Variants in PRX observed in about 807,000 individuals in gnomAD.
PRX encodes periaxin.
A neutral mutation model predicts 29.6 loss-of-function variants in PRX; 24 were observed. The observed-to-expected ratio is 0.81, with a 90% confidence interval of 0.59 to 1.14. The LOEUF (loss-of-function observed/expected upper bound fraction) is 1.14, where lower values mean the gene tolerates loss of function less well. Ranked by LOEUF, PRX falls within the 50% of genes most tolerant of loss-of-function variation. The probability of loss-of-function intolerance (pLI) is 0.00; values close to 1 mark genes in which losing one functional copy is unlikely to be tolerated. For synonymous variants in PRX, 772 were observed against 831.7 expected (o/e 0.93, Z 1.24); for missense variants, 1,838 against 1,926.4 (o/e 0.95, Z 0.86).
intron 5 of PRX, among the ~76,000 whole-genome samples, chr19:40,399,621 G>T (rs2079473757): frequency 6.6e-6 from 1 of 152,140 alleles, no homozygotes. Context: ...TCATATCCTT[G>T]CTTCCCTTGG....
chr19:40,395,800 G>C lies in PRX; in HGVS notation c.2552C>G (p.Ser851Cys). ...TAGCTCCACTGAAGGCAGAGTGAGA[G>C]AGGGGACACCCACATGAGCCTCACC... ...VDGEAHVGVP[S>C]LTLPSVELDL... The change falls in exon 7 of 7, where the codon TCT (serine) becomes TGT (cysteine). Residue 851 changes from serine to cysteine, a missense_variant. Around this residue, in one of 3 missense-constraint regions of PRX, gnomAD observed 1,143 missense variants for 1,193.0 expected, o/e 0.96. Transcript: ENST00000324001. The C allele has an allele frequency of 6.2e-7, 1 of 1,614,202 alleles. No individual in the cohort carries two copies. Among genetic ancestry groups the C allele is most frequent in the Non-Finnish European group, 8.5e-7 (1 of 1,180,046 alleles).
rs147585269 is a variant in PRX at position 40,398,602 on chromosome 19, C to T, written c.381+18G>A. 9.2e-5 allele frequency: 148 copies of T among 1,612,030 alleles called. 1 individual carries two copies. In the African/African-American group the frequency reaches 1.8e-3, roughly 20 times the overall value. On this transcript the variant is annotated intron_variant, in intron 6 of 6. Coordinates refer to ENST00000324001, the MANE Select transcript of PRX (RefSeq NM_181882.3). This position sits in a 1 kb window ranked among gnomAD's most constrained non-coding sequence, Gnocchi z 6.3. ...CGCTGGGGCAGTCCAGGGCCGGGGC[C>T]GGGCTAAGCACGCGTACCAGCTTGG...
intron 5 of PRX, among the ~76,000 whole-genome samples, chr19:40,402,278 C>T (rs1304357188): frequency 1.3e-5 from 2 of 151,662 alleles, no homozygotes; most frequent in Admixed American, 6.6e-5. Context: ...GGCGTGAACA[C>T]GGGAGGCGGA....
rs777019611 is a variant in PRX, at chr19:40,397,728, G to A, written c.624C>T (p.Ala208=). Residue 208 remains alanine, a synonymous_variant, in exon 7 of 7, where the codon GCC becomes GCT. Transcript: ENST00000324001. ...VAEEAQAARL[A]AAAPPPRKAK... is the part of the protein sequence containing the mutation. Reference sequence around the variant, plus strand: ...CTTTCCTGGGGGGAGGAGCGGCGGCGGCCAGCCGGGCTGCCTGAGCCTCTT... The same window carrying A: ...CTTTCCTGGGGGGAGGAGCGGCGGCAGCCAGCCGGGCTGCCTGAGCCTCTT... 69 of 1,560,138 alleles carry A rather than the reference G, an allele frequency of 4.4e-5. No individual in the cohort carries two copies. Among genetic ancestry groups the A allele is most frequent in the Non-Finnish European group, 5.5e-5 (63 of 1,155,768 alleles).
rs2079513359 is a variant in PRX at position 40,403,806 on chromosome 19, C to T, written c.84G>A (p.Gly28=). ...CGCCCGCTACGTTGATGCCGCTGACCCCGGTCTGCGCCTCCGTCTCCACGA... is the reference window on the plus strand; with the variant it reads ...CGCCCGCTACGTTGATGCCGCTGACTCCGGTCTGCGCCTCCGTCTCCACGA... The part of the protein sequence containing the change: ...EIIVETEAQT[G]VSGINVAGGG... Residue 28 remains glycine, a synonymous_variant, in exon 5 of 7, where the codon GGG becomes GGA. Transcript: ENST00000324001. The T allele has an allele frequency of 6.2e-7, 1 of 1,609,038 alleles. No homozygotes were observed. The highest frequency in any genetic ancestry group is 8.5e-7 in the Non-Finnish European group (1 of 1,178,722).
At chr19:40,407,777 C>CT (rs1279181276) in intron 4 of PRX, 129 bp downstream of exon 4, 32 of 1,319,242 alleles carry the variant, frequency 2.4e-5, no homozygotes, top group Non-Finnish European at 3.0e-5. Flanking sequence ...AAAATAGACC[C>CT]TGTTATTATT....
In PRX at chr19:40,397,836, G is replaced by C. The variant is rs775026413; in HGVS notation, c.516C>G (p.Ala172=). The change falls in exon 7 of 7, where the codon GCC becomes GCG. Residue 172 remains alanine, a synonymous_variant. Coordinates refer to ENST00000324001, the MANE Select transcript of PRX (RefSeq NM_181882.3). ...CCGGGACAGGACCCTTGACAGCCTC[G>C]GCTTTGAGGCCCCGACGCAGGCGGG... ...KFSRLRRGLK[A]EAVKGPVPAA... 6.3e-7 allele frequency: 1 copy of C among 1,597,652 alleles called. No homozygotes were observed. Among genetic ancestry groups the C allele is most frequent in the Non-Finnish European group, 8.5e-7 (1 of 1,173,176 alleles).
chr19:40,412,999 T>C (rs752531610), intron 1 of PRX, among the ~76,000 whole-genome samples: 3 of 152,148 alleles, frequency 2.0e-5, no homozygotes, highest in Non-Finnish European at 4.4e-5. Flanking sequence ...AGTGCTGGGA[T>C]TATAGGCATG....
rs776187375 is a variant in PRX, at chr19:40,396,465, C to A, written c.1887G>T (p.Met629Ile). 8.1e-6 allele frequency: 13 copies of A among 1,611,702 alleles called. No homozygotes were observed. The highest frequency in any genetic ancestry group is 1.1e-5 in the Non-Finnish European group (13 of 1,179,396). ...PEVQLPKVPE[M>I]KLPEMKLPEV... ...CAGGGAGTTTCATCTCAGGGAGCTT[C>A]ATCTCTGGGACTTTTGGAAGCTGCA... is the stretch of plus-strand genomic sequence containing the variant. Residue 629 changes from methionine to isoleucine, a missense_variant, in exon 7 of 7, where the codon ATG becomes ATT. Coordinates refer to ENST00000324001, the MANE Select transcript of PRX (RefSeq NM_181882.3).
chr19:40,395,901 A>ACGT lies in PRX; in HGVS notation c.2448_2450dup (p.Arg817dup). 6.2e-7 allele frequency: 1 copy of ACGT among 1,614,146 alleles called. No homozygotes were observed. The highest frequency in any genetic ancestry group is 8.5e-7 in the Non-Finnish European group (1 of 1,180,022). On this transcript the variant is annotated inframe_insertion, in exon 7 of 7. Transcript: ENST00000324001. ...CAGCACCCGCCTCGCCTGGCTTGCC[A>ACGT]CGTGATGGGGACTCTGCCCTCCCTA... is the stretch of plus-strand genomic sequence containing the variant.
Position 40,398,681 on chromosome 19 carries a change from A to C in PRX, c.320T>G (p.Leu107Arg), listed in dbSNP as rs1001867586. Residue 107 changes from leucine to arginine, a missense_variant, in exon 6 of 7, where the codon CTG becomes CGG. Physicochemically the swap from Leu to Arg is moderately radical, Grantham distance 102. Transcript: ENST00000324001. This position sits in a 1 kb window ranked among gnomAD's most constrained non-coding sequence, Gnocchi z 6.3. ...KRTVPTGDLA[L>R]RPGTVSGYEI... ...GTAGCCAGACACGGTCCCGGGCCGC[A>C]GAGCCAGGTCCCCGGTGGGCACAGT... 1.9e-6 allele frequency: 3 copies of C among 1,613,898 alleles called. 1 individual carries two copies. Among genetic ancestry groups the C allele is most frequent in the Non-Finnish European group, 2.5e-6 (3 of 1,179,948 alleles).
In PRX at chr19:40,407,926, C is replaced by T. The variant is rs764176482; in HGVS notation, c.7G>A (p.Ala3Thr). Residue 3 changes from alanine to threonine, a missense_variant, in exon 4 of 7, where the codon GCC becomes ACC. Ala to Thr is a moderately conservative substitution (Grantham distance 58). Transcript: ENST00000324001. ...CTCACCTCGGCACTCCGGCTCCTGG[C>T]CTCCATGGCGTTGCTGGGAGGCACC... ME[A>T]RSRSAEELRR... 6 of 1,613,750 alleles carry T rather than the reference C, an allele frequency of 3.7e-6. No individual in the cohort carries two copies. Among genetic ancestry groups the T allele is most frequent in the Non-Finnish European group, 5.1e-6 (6 of 1,180,042 alleles).
chr19:40,399,074 G>A (rs932325029), intron 5 of PRX, among the ~76,000 whole-genome samples: 2 of 151,738 alleles, frequency 1.3e-5, no homozygotes, highest in African/African-American at 4.8e-5. Context: ...TTACGTTTCA[G>A]ATACTGACTT....
At position 40,398,089 on chromosome 19, in the gene PRX, C is replaced by T; in HGVS notation, c.382-119G>A. The T allele has an allele frequency of 6.9e-7, 1 of 1,452,868 alleles. No individual in the cohort carries two copies. Among genetic ancestry groups the T allele is most frequent in the Non-Finnish European group, 9.1e-7 (1 of 1,103,398 alleles). 90.0% of individuals were successfully genotyped at this position (1,452,868 alleles called of 1,614,324 possible). A position where few individuals can be genotyped will look rare whatever the true frequency, so the allele number is the denominator to read the frequency against. On this transcript the variant is annotated intron_variant, in intron 6 of 6. Transcript: ENST00000324001. This position sits in a 1 kb window ranked among gnomAD's most constrained non-coding sequence, Gnocchi z 6.3. ...ATGTGCTGGGTCAAGTATCTTGTTC[C>T]CCAAACATCATCCCCACTTCTTGCC...
At position 40,398,518 on chromosome 19, in the gene PRX, C is replaced by G. The variant is rs1216156443; in HGVS notation, c.381+102G>C. The G allele has an allele frequency of 6.3e-7, 1 of 1,578,800 alleles. No homozygotes were observed. ...GAATTAGCTTGGGTTAGTGACAAGA[C>G]AGAGGGCAAGGCTGGCCCACGATGG... is the stretch of plus-strand genomic sequence containing the variant. On this transcript the variant is annotated intron_variant, in intron 6 of 6. Transcript: ENST00000324001. The surrounding 1 kb of genome is among the most constrained non-coding windows in gnomAD (Gnocchi z 6.3).
rs1568711476 is a variant in PRX at position 40,399,853 on chromosome 19, T to TCC, written c.185-1038_185-1037insGG. On this transcript the variant is annotated intron_variant, in intron 5 of 6. Transcript: ENST00000324001. ...GCCACTACACCCAGCTTTCTTTCCT[T>TCC]TCTTTCTTTCTTTCTTTCTTTCTTT... Among the ~76,000 whole-genome samples, 210 of 60,496 alleles carry TCC rather than the reference T, an allele frequency of 3.5e-3. 2 individuals carry two copies. The highest frequency in any genetic ancestry group is 4.6e-3 in the Non-Finnish European group (149 of 32,472). 39.7% of individuals were successfully genotyped at this position (60,496 alleles called of 152,430 possible). A position where few individuals can be genotyped will look rare whatever the true frequency, so the allele number is the denominator to read the frequency against.
rs2079416472 is a variant in PRX, at chr19:40,394,915, G to A, written c.3437C>T (p.Pro1146Leu). The change falls in exon 7 of 7, where the codon CCT (proline) becomes CTT (leucine). Residue 1146 changes from proline to leucine, a missense_variant. Physicochemically the swap from Pro to Leu is moderately conservative, Grantham distance 98. This residue lies in a region of PRX where 1,143 missense variants were observed against 1,193.0 expected (regional missense o/e 0.96). Coordinates refer to ENST00000324001, the MANE Select transcript of PRX (RefSeq NM_181882.3). This position sits in a 1 kb window ranked among gnomAD's most constrained non-coding sequence, Gnocchi z 5.8. ...CTGTGGCAGGGAGATGCCCAGCGGA[G>A]GCATCCTCAGCCCCGCGTCATGGCC... ...TEGHDAGLRM[P>L]PLGISLPQVE... The A allele has an allele frequency of 1.2e-6, 2 of 1,610,136 alleles. No individual in the cohort carries two copies. The highest frequency in any genetic ancestry group is 1.7e-6 in the Non-Finnish European group (2 of 1,179,936).
At chr19:40,408,463 C>A (rs1005956040) in intron 1 of PRX, 80 bp from the exon 2 acceptor site, 3 of 185,154 alleles carry the variant, frequency 1.6e-5, no homozygotes, top group Non-Finnish European at 1.2e-5. Context: ...CTGCGTTCTG[C>A]TGATACCCTA....
chr19:40,408,177 C>T lies in PRX; in HGVS notation c.-119G>A. 1 of 599,818 alleles carries T rather than the reference C, an allele frequency of 1.7e-6. No homozygotes were observed. Among genetic ancestry groups the T allele is most frequent in the South Asian group, 2.0e-5 (1 of 51,104 alleles). 37.2% of individuals were successfully genotyped at this position (599,818 alleles called of 1,614,324 possible). A position where few individuals can be genotyped will look rare whatever the true frequency, so the allele number is the denominator to read the frequency against. On this transcript the variant is annotated 5_prime_UTR_variant, in exon 3 of 7. The change creates a new upstream start codon in the 5' untranslated region. Transcript: ENST00000324001. ...TCTCACCGCTGCCTGGGTGCAGGCA[C>T]TTCCTCCTAACAGGAGCCCAGCCCG... is the stretch of plus-strand genomic sequence containing the variant.
Sources: gnomAD v4.1 joint callset for allele counts (sites outside exome capture counted in the v4.1 genomes callset) on GRCh38, gnomAD v4.1.1 for gene constraint, gnomAD v4.1.1 regional missense constraint, Gnocchi (gnomAD v3.1) non-coding constraint, MANE v1.5 for transcripts, NCBI Gene and HGNC (gene_info 2026-07-23, HGNC 2026-07-21) for gene names.